The following ZC3H12B variants were observed in gnomAD, a reference collection of about 807,000 sequenced individuals.
ZC3H12B encodes the protein probable ribonuclease ZC3H12B.
Under a neutral mutation model 43.9 loss-of-function variants are expected in ZC3H12B, and 7 were observed. That is an observed-to-expected ratio of 0.16 (90% confidence interval 0.09 to 0.30). The LOEUF is 0.30. Ranked by LOEUF, ZC3H12B falls within the 10% of genes least tolerant of loss-of-function variation. The pLI is 1.00. For synonymous variants in ZC3H12B, 222 were observed against 241.7 expected (o/e 0.92, Z 0.76); for missense variants, 475 against 670.2 (o/e 0.71, Z 3.22).
the ZC3H12B span, among the ~76,000 whole-genome samples, chrX:65,134,528 A>G: frequency 9.0e-6 from 1 of 111,711 alleles, no homozygotes; most frequent in Non-Finnish European, 1.9e-5. Flanking sequence ...AGATTGAAGG[A>G]TAGCAAGAGA....
the ZC3H12B span, among the ~76,000 whole-genome samples, chrX:65,316,708 A>G: frequency 8.9e-6 from 1 of 112,140 alleles, no homozygotes; most frequent in Non-Finnish European, 1.9e-5. Context: ...AATTACATAG[A>G]CCATTGATGC....
the ZC3H12B span, among the ~76,000 whole-genome samples, chrX:65,332,599 G>T: frequency 9.0e-6 from 1 of 111,294 alleles, no homozygotes; most frequent in Non-Finnish European, 1.9e-5. Flanking sequence ...TACTGATCCG[G>T]ATTTTTATAT....
intron 2 of ZC3H12B, among the ~76,000 whole-genome samples, chrX:65,390,615 G>T (rs1195441410): frequency 9.0e-6 from 1 of 110,995 alleles, no homozygotes; most frequent in African/African-American, 3.3e-5. Context: ...ATACAATAAT[G>T]CCGGGAGACT....
intron 2 of ZC3H12B, among the ~76,000 whole-genome samples, chrX:65,384,889 C>T (rs1174973866): frequency 8.9e-6 from 1 of 112,123 alleles, no homozygotes; most frequent in African/African-American, 3.2e-5. Context: ...TTCCCAGCAC[C>T]ATTTGTTAAA....
chrX:65,165,004 A>T, the ZC3H12B span, among the ~76,000 whole-genome samples: 1 of 112,160 alleles, frequency 8.9e-6, no homozygotes, highest in African/African-American at 3.2e-5. Flanking sequence ...GAGAAAACTT[A>T]AAAGAAAAAC....
chrX:65,080,824 C>G, the ZC3H12B span, among the ~76,000 whole-genome samples: 2 of 111,488 alleles, frequency 1.8e-5, no homozygotes, highest in Non-Finnish European at 3.8e-5. Flanking sequence ...CAGAAAAACA[C>G]AGAATATTAT....
the ZC3H12B span, among the ~76,000 whole-genome samples, chrX:65,141,030 T>C: frequency 8.9e-6 from 1 of 111,873 alleles, no homozygotes; most frequent in East Asian, 2.8e-4. Context: ...GATTTTTTTC[T>C]TTTACTGTTT....
chrX:65,077,732 T>G, the ZC3H12B span, among the ~76,000 whole-genome samples: 1 of 111,858 alleles, frequency 8.9e-6, no homozygotes, highest in African/African-American at 3.2e-5. Flanking sequence ...TTGTTTTTGT[T>G]TTTGTTGTTG....
At chrX:65,427,536 C>T (rs1025991973) in intron 3 of ZC3H12B, among the ~76,000 whole-genome samples, 2 of 110,564 alleles carry the variant, frequency 1.8e-5, no homozygotes, top group African/African-American at 6.6e-5. Flanking sequence ...ACCATGTTGA[C>T]CAGGCTGGCC....
At chrX:65,271,154 G>T in the ZC3H12B span, 1 of 112,433 alleles carries the variant, frequency 8.9e-6, no homozygotes, top group South Asian at 3.7e-4. Flanking sequence ...TGCTGTCTAA[G>T]GCTCCAAGAT....
chrX:65,457,528 A>G (rs2067646394), intron 3 of ZC3H12B, among the ~76,000 whole-genome samples: 1 of 88,174 alleles, frequency 1.1e-5, no homozygotes, highest in Non-Finnish European at 2.0e-5. Context: ...GGAAGTGGGG[A>G]GCCCCTCTGC....
chrX:65,311,921 A>T, the ZC3H12B span, among the ~76,000 whole-genome samples: 70 of 110,758 alleles, frequency 6.3e-4, no homozygotes, highest in African/African-American at 2.0e-3. Context: ...ACATGTTCTC[A>T]CTCATAGGTG....
the ZC3H12B span, among the ~76,000 whole-genome samples, chrX:65,160,764 G>T: frequency 9.0e-6 from 1 of 111,310 alleles, no homozygotes; most frequent in East Asian, 2.8e-4. Context: ...ATTTCCTTCA[G>T]TTCTGCTCTG....
At chrX:65,372,802 G>C (rs961472244) in intron 2 of ZC3H12B, among the ~76,000 whole-genome samples, 2 of 112,338 alleles carry the variant, frequency 1.8e-5, no homozygotes, top group African/African-American at 6.5e-5. Context: ...ATGCATCAAG[G>C]TCAGATAGGA....
chrX:65,243,467 C>T, the ZC3H12B span, among the ~76,000 whole-genome samples: 26,761 of 111,303 alleles, frequency 0.24, 7,626 homozygotes, highest in African/African-American at 0.82. Context: ...AAAAAAATAA[C>T]AAGAGATGCT....
the ZC3H12B span, among the ~76,000 whole-genome samples, chrX:65,202,072 A>G: frequency 1.1e-5 from 1 of 87,381 alleles, no homozygotes; most frequent in Non-Finnish European, 2.2e-5. Flanking sequence ...TAATATATAT[A>G]TTACATATAA....
intron 2 of ZC3H12B, among the ~76,000 whole-genome samples, chrX:65,392,879 G>A (rs1161215894): frequency 1.8e-5 from 2 of 112,430 alleles, no homozygotes; most frequent in Non-Finnish European, 3.8e-5. Context: ...GACATAGGAG[G>A]CTCCATTTTG....
the ZC3H12B span, among the ~76,000 whole-genome samples, chrX:65,315,519 G>A: frequency 9.8e-5 from 11 of 111,677 alleles, no homozygotes; most frequent in Admixed American, 1.9e-4. Flanking sequence ...CAGCCCCCCA[G>A]AGCTGGAGCA....
intron 3 of ZC3H12B, among the ~76,000 whole-genome samples, chrX:65,456,675 C>T (rs1182758638): frequency 6.5e-5 from 7 of 108,014 alleles, no homozygotes; most frequent in African/African-American, 2.0e-4. Flanking sequence ...AGCTCCTAAC[C>T]GCGAGTGATC....
Sources: gnomAD v4.1 joint callset for allele counts (sites outside exome capture counted in the v4.1 genomes callset) on GRCh38, gnomAD v4.1.1 for gene constraint, MANE v1.5 for transcripts, NCBI Gene and HGNC (gene_info 2026-07-23, HGNC 2026-07-21) for gene names.